AKAP19: variants seen among roughly 807,000 people sequenced by gnomAD.
AKAP19 encodes small A-kinase anchoring protein.
chr2:190,091,333 T>C, the AKAP19 span, among the ~76,000 whole-genome samples: 1 of 152,202 alleles, frequency 6.6e-6, no homozygotes, highest in Non-Finnish European at 1.5e-5. Context: ...AAAGTTCCAG[T>C]TTGACACATA....
chr2:189,973,592 T>C, the AKAP19 span, among the ~76,000 whole-genome samples: 5 of 152,126 alleles, frequency 3.3e-5, no homozygotes, highest in African/African-American at 4.8e-5. Flanking sequence ...TGGTAGAATT[T>C]GGCTGTGAAT....
chr2:189,924,421 G>A, the AKAP19 span, among the ~76,000 whole-genome samples: 2 of 152,062 alleles, frequency 1.3e-5, no homozygotes, highest in Admixed American at 1.3e-4. Context: ...GCTCCTAGTA[G>A]TTTTGTTAAG....
the AKAP19 span, among the ~76,000 whole-genome samples, chr2:190,044,093 C>T: frequency 6.6e-6 from 1 of 152,192 alleles, no homozygotes; most frequent in Non-Finnish European, 1.5e-5. Context: ...TGTGTTCCCT[C>T]TCAATGCTTT....
the AKAP19 span, among the ~76,000 whole-genome samples, chr2:190,088,278 G>A: frequency 6.6e-6 from 1 of 152,260 alleles, no homozygotes; most frequent in South Asian, 2.1e-4. Context: ...AGAAAGAGAA[G>A]TATTGATTGG....
At chr2:190,164,351 A>G in the AKAP19 span, among the ~76,000 whole-genome samples, 37 of 152,236 alleles carry the variant, frequency 2.4e-4, no homozygotes, top group Admixed American at 9.2e-4. Context: ...CCCGGGAAAC[A>G]TGGTGAAACC....
chr2:189,987,607 C>A, the AKAP19 span, among the ~76,000 whole-genome samples: 1 of 152,126 alleles, frequency 6.6e-6, no homozygotes, highest in Non-Finnish European at 1.5e-5. Flanking sequence ...TCAGTTATGG[C>A]CACAGAAGAT....
At chr2:190,000,613 G>A in the AKAP19 span, among the ~76,000 whole-genome samples, 1 of 152,050 alleles carries the variant, frequency 6.6e-6, no homozygotes, top group Admixed American at 6.5e-5. Context: ...TTCTTCTGAA[G>A]GTTTACCTTC....
the AKAP19 span, among the ~76,000 whole-genome samples, chr2:189,998,631 C>T: frequency 6.6e-6 from 1 of 151,794 alleles, no homozygotes; most frequent in African/African-American, 2.4e-5. Context: ...TTTGTTTCTT[C>T]TCTTTATTTT....
At chr2:190,165,715 G>T in the AKAP19 span, among the ~76,000 whole-genome samples, 8 of 152,060 alleles carry the variant, frequency 5.3e-5, no homozygotes, top group African/African-American at 1.7e-4. Context: ...AGAATGAGGG[G>T]AGGCAATAGT....
the AKAP19 span, among the ~76,000 whole-genome samples, chr2:190,001,325 A>G: frequency 6.6e-6 from 1 of 152,108 alleles, no homozygotes; most frequent in African/African-American, 2.4e-5. Flanking sequence ...CGGGAGTACC[A>G]TACTCAGTTT....
chr2:190,151,775 T>C, the AKAP19 span, among the ~76,000 whole-genome samples: 16 of 152,000 alleles, frequency 1.1e-4, no homozygotes, highest in African/African-American at 3.9e-4. Flanking sequence ...GCCAAGGCAG[T>C]CAGATCACTT....
At chr2:190,126,199 G>T in the AKAP19 span, among the ~76,000 whole-genome samples, 24 of 146,732 alleles carry the variant, frequency 1.6e-4, no homozygotes, top group African/African-American at 6.0e-4. Context: ...GCTGAGGCAG[G>T]GGAATTGCTT....
chr2:190,203,175 C>T, the AKAP19 span: 95 of 167,022 alleles, frequency 5.7e-4, no homozygotes, highest in Non-Finnish European at 1.0e-3. Flanking sequence ...TTTTAGAAAT[C>T]GAAAGTTAGA....
At chr2:189,941,026 A>G in the AKAP19 span, among the ~76,000 whole-genome samples, 1 of 152,350 alleles carries the variant, frequency 6.6e-6, no homozygotes, top group African/African-American at 2.4e-5. Context: ...AATATAACAC[A>G]TAAAGGAGGT....
chr2:190,194,344 T>TTTAAG, the AKAP19 span, among the ~76,000 whole-genome samples: 4 of 152,274 alleles, frequency 2.6e-5, no homozygotes, highest in African/African-American at 9.6e-5. Context: ...GTTTGTCAGT[T>TTTAAG]TTAAGTTGTG....
chr2:189,965,767 A>T, the AKAP19 span, among the ~76,000 whole-genome samples: 1 of 152,214 alleles, frequency 6.6e-6, no homozygotes, highest in Admixed American at 6.5e-5. Flanking sequence ...TAAAAGTAGA[A>T]CTATAATTTG....
the AKAP19 span, among the ~76,000 whole-genome samples, chr2:190,097,877 A>G: frequency 7.3e-4 from 108 of 147,758 alleles, no homozygotes; most frequent in African/African-American, 2.4e-3. Context: ...AAAAAAAAAA[A>G]AAAAGAAAAG....
the AKAP19 span, among the ~76,000 whole-genome samples, chr2:190,024,216 T>A: frequency 6.6e-5 from 10 of 151,960 alleles, no homozygotes; most frequent in East Asian, 1.9e-3. Flanking sequence ...GATGTGAGTC[T>A]AGATCAAGCA....
the AKAP19 span, among the ~76,000 whole-genome samples, chr2:189,974,558 T>C: frequency 6.6e-6 from 1 of 152,216 alleles, no homozygotes; most frequent in Non-Finnish European, 1.5e-5. Flanking sequence ...TTCGTTGATC[T>C]GTCTAATGTT....
Sources: allele counts gnomAD v4.1 joint callset (sites outside exome capture counted in the v4.1 genomes callset), GRCh38; gene constraint gnomAD v4.1.1; transcripts MANE v1.5; gene names NCBI Gene and HGNC (gene_info 2026-07-23, HGNC 2026-07-21).